Variants in ANKUB1 observed in about 807,000 individuals in gnomAD.
ANKUB1 encodes protein ANKUB1.
Under a neutral mutation model 49.3 loss-of-function variants are expected in ANKUB1, and 42 were observed. That is an observed-to-expected ratio of 0.85 (90% CI 0.67 to 1.10). The LOEUF (loss-of-function observed/expected upper bound fraction) is 1.10. ANKUB1 is among the 50% of genes least tolerant of loss of function. The pLI is 0.00. For synonymous variants in ANKUB1, 222 were observed against 231.0 expected (o/e 0.96, Z 0.35); for missense variants, 613 against 642.0 (o/e 0.95, Z 0.49).
Position 149,767,298 on chromosome 3 carries a change from G to A in ANKUB1, c.1364C>T (p.Ser455Leu). 2 of 1,551,656 alleles carry A rather than the reference G, an allele frequency of 1.3e-6. No homozygotes were observed. The highest frequency in any genetic ancestry group is 1.7e-6 in the Non-Finnish European group (2 of 1,146,984). ...CGATGGATGTGAATATCCCACTCTT[G>A]AAACTGGAGGGAGGGGGACTTGGGG... is the stretch of plus-strand genomic sequence containing the variant. ...YLPQVPLPPV[S>L]RVGYSHPSFF... Residue 455 changes from serine (S) to leucine (L), a missense_variant, in exon 5 of 6, where the codon TCA becomes TTA. Coordinates refer to ENST00000446160, the MANE Select transcript of ANKUB1 (RefSeq NM_001144960.3).
At chr3:149,790,609 C>T (rs1718316425) in intron 2 of ANKUB1, among the ~76,000 whole-genome samples, 172 bp downstream of exon 2, 1 of 152,192 alleles carries the variant, frequency 6.6e-6, no homozygotes, top group African/African-American at 2.4e-5. Context: ...CCATGTCTTA[C>T]TTCCCCTTAC....
At position 149,767,906 on chromosome 3, in the gene ANKUB1, T is replaced by C. The variant is rs1559862542; in HGVS notation, c.756A>G (p.Gln252=). The C allele has an allele frequency of 6.4e-7, 1 of 1,551,122 alleles. No homozygotes were observed. The highest frequency in any genetic ancestry group is 8.7e-7 in the Non-Finnish European group (1 of 1,146,492). The part of the protein sequence containing the change: ...CPIHAAAEAG[Q]LLILKAFVNY... ...TGACAAAGGCCTTCAGAATCAACAG[T>C]TGGCCTGCTTCTGCGGCTGCATGAA... Residue 252 remains glutamine (Q), a synonymous_variant, in exon 5 of 6, where the codon CAA becomes CAG. Transcript: ENST00000446160.
intron 5 of ANKUB1, among the ~76,000 whole-genome samples, chr3:149,764,210 C>A (rs535437720): frequency 1.3e-5 from 2 of 152,282 alleles, no homozygotes; most frequent in Non-Finnish European, 2.9e-5. Flanking sequence ...CACCTGACTG[C>A]CTGCCTTGAC....
intron 3 of ANKUB1, among the ~76,000 whole-genome samples, chr3:149,771,564 C>A (rs1463702382): frequency 6.6e-6 from 1 of 152,224 alleles, no homozygotes; most frequent in African/African-American, 2.4e-5. Context: ...TACCTCCTCA[C>A]CTTCATTACT....
chr3:149,790,960 T>G, intron 1 of ANKUB1, 36 bp from the exon 2 acceptor site: 1 of 1,535,322 alleles, frequency 6.5e-7, no homozygotes. Flanking sequence ...AAACAGTACA[T>G]CCTTACGTTA....
chr3:149,767,740 C>T lies in ANKUB1; in HGVS notation c.922G>A (p.Val308Ile), dbSNP rs1308548931. The T allele has an allele frequency of 6.4e-7, 1 of 1,551,446 alleles. No homozygotes were observed. The highest frequency in any genetic ancestry group is 1.4e-5 in the African/African-American group (1 of 73,002). The change falls in exon 5 of 6, where the codon GTC becomes ATC. Residue 308 changes from valine (V) to isoleucine (I), a missense_variant. Val to Ile is a conservative substitution (Grantham distance 29). Coordinates refer to ENST00000446160, the MANE Select transcript of ANKUB1 (RefSeq NM_001144960.3). ...ATTTTAATATAAATCCTCATTGGGA[C>T]TGAAATTTTTGGAAAAGAAACTGTG... ...WSTVSFPKIS[V>I]PMRIYIKIKQ...
chr3:149,775,142 G>T (rs1348612214), intron 3 of ANKUB1, among the ~76,000 whole-genome samples: 1 of 152,170 alleles, frequency 6.6e-6, no homozygotes, highest in African/African-American at 2.4e-5. Context: ...GAGCAACAGT[G>T]CCTATTTAGG....
chr3:149,775,301 A>T (rs780225799), intron 3 of ANKUB1, among the ~76,000 whole-genome samples: 53 of 152,150 alleles, frequency 3.5e-4, no homozygotes, highest in Non-Finnish European at 2.8e-4. Flanking sequence ...GCTTCCTGTG[A>T]TGGAAGAAAC....
rs545543011 is a variant in ANKUB1 at position 149,763,965 on chromosome 3, TG to T, written c.1506-2353del. The T allele has an allele frequency of 1.4e-3, 632 of 456,296 alleles. 6 individuals carry two copies. Among genetic ancestry groups the T allele is most frequent in the African/African-American group, 0.011 (568 of 50,198 alleles). The allele number at this position is 456,296 out of a possible 1,614,324, so 28.3% of individuals were successfully genotyped here. On this transcript the variant is annotated intron_variant, in intron 5 of 5. Transcript: ENST00000446160. ...TACTTTCACATGATGCCAGATGACT[TG>T]TCTGCTTTGGGAGACTCCCCTTTCT...
intron 3 of ANKUB1, chr3:149,779,755 G>GT: frequency 6.3e-6 from 1 of 158,484 alleles, no homozygotes; most frequent in Admixed American, 6.0e-5. Flanking sequence ...GAAGTGGCCT[G>GT]AGTTTTGCTC....
At chr3:149,791,914 A>T (rs1023005937) in intron 1 of ANKUB1, among the ~76,000 whole-genome samples, 1 of 152,186 alleles carries the variant, frequency 6.6e-6, no homozygotes, top group African/African-American at 2.4e-5. Flanking sequence ...TAAGACATTT[A>T]TCTGATGACT....
intron 5 of ANKUB1, among the ~76,000 whole-genome samples, chr3:149,762,192 C>T (rs1476943964): frequency 6.6e-6 from 1 of 151,988 alleles, no homozygotes; most frequent in Non-Finnish European, 1.5e-5. Flanking sequence ...ATCTTTGGTC[C>T]TCCTCTCTTT....
At chr3:149,782,784 T>C (rs1717926204) in intron 2 of ANKUB1, among the ~76,000 whole-genome samples, 1 of 152,080 alleles carries the variant, frequency 6.6e-6, no homozygotes, top group Non-Finnish European at 1.5e-5. Context: ...AAGCAATCCA[T>C]CCACCTCAGC....
Position 149,767,789 on chromosome 3 carries a change from T to C in ANKUB1, c.873A>G (p.Leu291=). 3 of 1,551,754 alleles carry C rather than the reference T, an allele frequency of 1.9e-6. No individual in the cohort carries two copies. Among genetic ancestry groups the C allele is most frequent in the Non-Finnish European group, 2.6e-6 (3 of 1,147,000 alleles). Residue 291 remains leucine (L), a synonymous_variant, in exon 5 of 6, where the codon TTA becomes TTG. Coordinates refer to ENST00000446160, the MANE Select transcript of ANKUB1 (RefSeq NM_001144960.3). ...VFKHKHKDCV[L]YLLSKMWSTV... ...TGGACCACATTTTACTGAGCAAATA[T>C]AATACACAGTCTTTATGCTTGTGTT...
intron 3 of ANKUB1, among the ~76,000 whole-genome samples, chr3:149,773,762 A>G (rs1717462823): frequency 6.6e-6 from 1 of 152,176 alleles, no homozygotes; most frequent in African/African-American, 2.4e-5. Context: ...GCCTGGCCCC[A>G]TACCGCAGCC....
intron 2 of ANKUB1, among the ~76,000 whole-genome samples, chr3:149,781,468 C>T (rs1717867186): frequency 6.6e-6 from 1 of 152,150 alleles, no homozygotes; most frequent in South Asian, 2.1e-4. Flanking sequence ...GTTGGGTTGG[C>T]AGATGTCAGT....
chr3:149,770,790 A>G (rs1717320573), intron 3 of ANKUB1, 116 bp from the exon 4 acceptor site: 2 of 634,430 alleles, frequency 3.2e-6, no homozygotes, highest in African/African-American at 3.8e-5. Context: ...CAAAATGAAA[A>G]ATAACCTTGG....
At chr3:149,790,142 G>C (rs16862251) in intron 2 of ANKUB1, among the ~76,000 whole-genome samples, 1 of 151,866 alleles carries the variant, frequency 6.6e-6, no homozygotes, top group African/African-American at 2.4e-5. Context: ...TGGATCACCC[G>C]TTCCTTAAAA....
intron 1 of ANKUB1, 60 bp downstream of exon 1, chr3:149,792,217 A>T: frequency 8.2e-7 from 1 of 1,222,336 alleles, no homozygotes; most frequent in Non-Finnish European, 1.1e-6. Flanking sequence ...GTACATTTTT[A>T]AATGCACTGC....
Sources: gnomAD v4.1 joint callset for allele counts (sites outside exome capture counted in the v4.1 genomes callset) on GRCh38, gnomAD v4.1.1 for gene constraint, MANE v1.5 for transcripts, NCBI Gene and HGNC (gene_info 2026-07-23, HGNC 2026-07-21) for gene names.